Variants in LACTB observed in about 807,000 individuals in gnomAD.
The protein encoded by LACTB is lactamase beta, also known as serine beta-lactamase-like protein LACTB, mitochondrial.
LACTB carries 35 observed loss-of-function variants against 50.2 expected under a neutral mutation model. That is an observed-to-expected ratio of 0.70 (90% CI 0.53 to 0.92). The LOEUF (loss-of-function observed/expected upper bound fraction) is 0.92, where lower values mean the gene tolerates loss of function less well. Among genes scored for constraint, LACTB ranks in the 40% least tolerant of loss-of-function variants. LACTB has a pLI of 0.00. For synonymous variants in LACTB, 252 were observed against 268.2 expected (o/e 0.94, Z 0.59); for missense variants, 664 against 691.8 (o/e 0.96, Z 0.45).
intron 2 of LACTB, among the ~76,000 whole-genome samples, chr15:63,124,879 G>A (rs2037028564): frequency 6.6e-6 from 1 of 152,090 alleles, no homozygotes; most frequent in Admixed American, 6.6e-5. Flanking sequence ...GCTTGAACTC[G>A]GGAGGCGGAG....
rs1234705297 is a variant in LACTB, at chr15:63,129,661, A to G, written c.1118+11A>G. Reference sequence around the variant, plus strand: ...TTACAATAGAGCAAGGTAAATGAATACCTTCTGCTGTGTCTAGCTATATCG... The same window carrying G: ...TTACAATAGAGCAAGGTAAATGAATGCCTTCTGCTGTGTCTAGCTATATCG... On this transcript the variant is annotated intron_variant, in intron 5 of 5. Transcript: ENST00000261893. 4 of 1,588,430 alleles carry G rather than the reference A, an allele frequency of 2.5e-6. No homozygotes were observed. The highest frequency in any genetic ancestry group is 4.5e-5 in the East Asian group (2 of 44,042).
intron 5 of LACTB, chr15:63,141,046 G>GA (rs1566994402): frequency 7.1e-6 from 7 of 984,758 alleles, no homozygotes; most frequent in African/African-American, 1.7e-5. Flanking sequence ...CATACCAATA[G>GA]AAAAAAACCA....
At chr15:63,136,042 CTTTTTT>C in intron 5 of LACTB, among the ~76,000 whole-genome samples, 1 of 132,588 alleles carries the variant, frequency 7.5e-6, no homozygotes, top group Admixed American at 7.6e-5. Flanking sequence ...ATTTTCTTTT[CTTTTTT>C]TTTTTTTTTT....
chr15:63,132,126 T>C (rs1213044578), intron 5 of LACTB, among the ~76,000 whole-genome samples: 1 of 152,150 alleles, frequency 6.6e-6, no homozygotes, highest in African/African-American at 2.4e-5. Context: ...ATGCTGAGGT[T>C]TGGACTTAAA....
intron 1 of LACTB, 26 bp downstream of exon 1, chr15:63,122,254 A>G: frequency 6.6e-7 from 1 of 1,512,662 alleles, no homozygotes; most frequent in Non-Finnish European, 8.8e-7. Flanking sequence ...CGGGGGGCGT[A>G]GGGGGCCGGG....
chr15:63,129,645 A>C lies in LACTB; in HGVS notation c.1113A>C (p.Arg371Ser). 1.2e-6 allele frequency: 2 copies of C among 1,601,246 alleles called. No homozygotes were observed. The highest frequency in any genetic ancestry group is 1.3e-5 in the African/African-American group (1 of 74,504). ...QEENEPVIYN[R>S]ARFYVYNKKK... ...AAAACGAGCCAGTGATTTACAATAG[A>C]GCAAGGTAAATGAATACCTTCTGCT... is the stretch of plus-strand genomic sequence containing the variant. The change falls in exon 5 of 6, where the codon AGA (arginine) becomes AGC (serine). Residue 371 changes from arginine to serine, a missense_variant. Arg to Ser is a moderately radical substitution (Grantham distance 110, BLOSUM62 -1). Transcript: ENST00000261893.
rs752950180 is a variant in LACTB, at chr15:63,126,874, A to T, written c.440A>T (p.Asp147Val). The T allele has an allele frequency of 1.9e-6, 3 of 1,574,438 alleles. No homozygotes were observed. In the South Asian group the frequency reaches 3.5e-5, roughly 18 times the overall value. ...TCCCCCAAAGGTTTAGGTTATGCTG[A>T]TGTTGAGAACCGTGTACCATGTAAA... ...EVWSEGLGYADVENRVPCKPE... is the reference protein window; with the variant it reads ...EVWSEGLGYAVVENRVPCKPE... The change falls in exon 3 of 6, where the codon GAT (aspartate) becomes GTT (valine). Residue 147 changes from aspartate (D) to valine (V), a missense_variant. Transcript: ENST00000261893.
chr15:63,132,477 T>C (rs945866626), intron 5 of LACTB, among the ~76,000 whole-genome samples: 3 of 152,222 alleles, frequency 2.0e-5, no homozygotes, highest in Non-Finnish European at 2.9e-5. Flanking sequence ...ATGCTCTTCT[T>C]ATTTGGATTA....
intron 5 of LACTB, 120 bp downstream of exon 5, chr15:63,129,770 T>A: frequency 7.7e-7 from 1 of 1,300,458 alleles, no homozygotes; most frequent in Non-Finnish European, 9.8e-7. Flanking sequence ...TGGGAGCTTT[T>A]CTACATGTCT....
At chr15:63,122,308 C>T in intron 1 of LACTB, 80 bp downstream of exon 1, 3 of 1,255,242 alleles carry the variant, frequency 2.4e-6, no homozygotes, top group East Asian at 2.5e-5. Flanking sequence ...GAGTGGACCC[C>T]ACCCGGGGCG....
chr15:63,138,862 A>G (rs1002848271), intron 5 of LACTB, among the ~76,000 whole-genome samples: 1 of 151,834 alleles, frequency 6.6e-6, no homozygotes, highest in Non-Finnish European at 1.5e-5. Context: ...CAACATAGGG[A>G]AACCCCGTTT....
chr15:63,139,896 G>C (rs919878929), intron 5 of LACTB, among the ~76,000 whole-genome samples: 1 of 150,342 alleles, frequency 6.7e-6, no homozygotes, highest in Non-Finnish European at 1.5e-5. Flanking sequence ...CCAGGAGTTC[G>C]AGACCAGGCT....
rs577584221 is a variant in LACTB, at chr15:63,128,714, T to C, written c.953-771T>C. On this transcript the variant is annotated intron_variant, in intron 4 of 5. Coordinates refer to ENST00000261893, the MANE Select transcript of LACTB (RefSeq NM_032857.5). ...TTCAAATATGTATTTGAAACAAAGTTTGTGTGCCTACATTTATTTTATTTT... is the reference window on the plus strand; with the variant it reads ...TTCAAATATGTATTTGAAACAAAGTCTGTGTGCCTACATTTATTTTATTTT... Among the ~76,000 whole-genome samples, 36 of 152,298 alleles carry C rather than the reference T, an allele frequency of 2.4e-4. 1 individual carries two copies. Among genetic ancestry groups the C allele is most frequent in the Admixed American group, 1.7e-3 (26 of 15,294 alleles).
At chr15:63,122,279 G>A (rs1244224798) in intron 1 of LACTB, 51 bp downstream of exon 1, 3 of 1,437,578 alleles carry the variant, frequency 2.1e-6, no homozygotes, top group African/African-American at 2.8e-5. Context: ...CACCCCTGTC[G>A]GCGGTGCTGT....
Position 63,127,480 on chromosome 15 carries a change from T to C in LACTB, c.743T>C (p.Phe248Ser). ...ALKMMKENVA[F>S]EQEKEGKSNE... ...AAGATGATGAAAGAGAATGTTGCAT[T>C]TGAGCAAGAAAAAGAAGGCAAAAGT... Residue 248 changes from phenylalanine (F) to serine (S), a missense_variant, in exon 4 of 6, where the codon TTT (phenylalanine) becomes TCT (serine). Transcript: ENST00000261893. 2 of 1,613,434 alleles carry C rather than the reference T, an allele frequency of 1.2e-6. No homozygotes were observed. The highest frequency in any genetic ancestry group is 1.1e-5 in the South Asian group (1 of 90,968).
chr15:63,128,181 AT>A (rs1181153236), intron 4 of LACTB, among the ~76,000 whole-genome samples: 1 of 152,192 alleles, frequency 6.6e-6, no homozygotes, highest in Non-Finnish European at 1.5e-5. Flanking sequence ...TAATATCTAA[AT>A]TTACCATAGT....
chr15:63,123,073 A>C (rs1294108397), intron 2 of LACTB, among the ~76,000 whole-genome samples: 1 of 152,244 alleles, frequency 6.6e-6, no homozygotes. Flanking sequence ...TTATATATAC[A>C]TATCTATGAT....
Position 63,122,146 on chromosome 15 carries a change from C to G in LACTB, c.275C>G (p.Ser92Cys). The G allele has an allele frequency of 1.3e-6, 2 of 1,502,766 alleles. No homozygotes were observed. Among genetic ancestry groups the G allele is most frequent in the Non-Finnish European group, 1.8e-6 (2 of 1,133,682 alleles). 93.1% of individuals were successfully genotyped at this position (1,502,766 alleles called of 1,614,324 possible). The change falls in exon 1 of 6, where the codon TCT becomes TGT. Residue 92 changes from serine (S) to cysteine (C), a missense_variant. By Grantham distance (112) the Ser-to-Cys change is moderately radical. Coordinates refer to ENST00000261893, the MANE Select transcript of LACTB (RefSeq NM_032857.5). ...CAGGAGCAGTCCCTCGCCCCGTGGT[C>G]TCCGCAGACCCCGGCGCCGCCCTGC... The part of the protein sequence containing the change: ...PPQEQSLAPW[S>C]PQTPAPPCSR...
chr15:63,135,052 G>A (rs769092117), intron 5 of LACTB, among the ~76,000 whole-genome samples: 2 of 152,088 alleles, frequency 1.3e-5, no homozygotes, highest in East Asian at 3.8e-4. Context: ...TATTTGATTT[G>A]TTAGAAAGGT....
Sources: gnomAD v4.1 joint callset for allele counts (sites outside exome capture counted in the v4.1 genomes callset) on GRCh38, gnomAD v4.1.1 for gene constraint, MANE v1.5 for transcripts, NCBI Gene and HGNC (gene_info 2026-07-23, HGNC 2026-07-21) for gene names.